Variants in GBP1 observed in about 807,000 individuals in gnomAD.
GBP1 encodes guanylate-binding protein 1.
GBP1 carries 64 observed loss-of-function variants against 69.5 expected under a neutral mutation model. The ratio of observed to expected loss-of-function variants is 0.92; its 90% CI spans 0.75 to 1.13. The LOEUF (loss-of-function observed/expected upper bound fraction) is 1.13. GBP1 is among the 50% of genes most tolerant of loss of function. The pLI, the probability that GBP1 is intolerant of heterozygous loss-of-function variation, is 0.00. For missense variants in GBP1, 630 were observed against 704.1 expected (o/e 0.89, Z 1.19); for synonymous variants, 250 against 261.2 (o/e 0.96, Z 0.41).
Position 89,053,392 on chromosome 1 carries a change from G to T in GBP1, c.1742C>A (p.Thr581Lys), listed in dbSNP as rs138810487. The T allele has an allele frequency of 1.9e-6, 3 of 1,613,584 alleles. No individual in the cohort carries two copies. The highest frequency in any genetic ancestry group is 1.3e-5 in the African/African-American group (1 of 74,944). Residue 581 changes from threonine (T) to lysine (K), a missense_variant, in exon 11 of 11, where the codon ACG becomes AAG. By Grantham distance (78) the Thr-to-Lys change is moderately conservative (BLOSUM62 -1). Coordinates refer to ENST00000370473, the MANE Select transcript of GBP1 (RefSeq NM_002053.3). ...IMKNEIQDLQTKMRRRKACTI... is the reference protein window; with the variant it reads ...IMKNEIQDLQKKMRRRKACTI... ...ACATGCCTTTCGTCGTCTCATTTTC[G>T]TCTGGAGATCCTGTATCTCATTTTT...
At position 89,063,025 on chromosome 1, in the gene GBP1, G is replaced by T. The variant is rs749758534; in HGVS notation, c.190+20C>A. 6.2e-7 allele frequency: 1 copy of T among 1,613,012 alleles called. No homozygotes were observed. Among genetic ancestry groups the T allele is most frequent in the African/African-American group, 1.3e-5 (1 of 74,850 alleles). On this transcript the variant is annotated intron_variant, in intron 2 of 10. Transcript: ENST00000370473. Reference sequence around the variant, plus strand: ...AGATGGACAGAAGGGACTTGGCAGAGCTTTGCTCATGCCACTCACCCTTTT... The same window carrying T: ...AGATGGACAGAAGGGACTTGGCAGATCTTTGCTCATGCCACTCACCCTTTT...
chr1:89,062,503 G>A (rs1444773928), intron 2 of GBP1, among the ~76,000 whole-genome samples: 1 of 152,180 alleles, frequency 6.6e-6, no homozygotes, highest in Non-Finnish European at 1.5e-5. Flanking sequence ...TTTATGTGGA[G>A]CTTTTGTTTA....
chr1:89,057,852 G>T lies in GBP1; in HGVS notation c.874+140C>A, dbSNP rs1048467661. 13 of 989,124 alleles carry T rather than the reference G, an allele frequency of 1.3e-5. No homozygotes were observed. The African/African-American group carries it at 2.0e-4, about 15-fold the overall frequency. The allele number at this position is 989,124 out of a possible 1,614,324, so 61.3% of individuals were successfully genotyped here. ...ACTGGAAATGTGACTAACAATATAT[G>T]TTAGAAACATTGGTGCCATCTAGAA... On this transcript the variant is annotated intron_variant, in intron 6 of 10. Coordinates refer to ENST00000370473, the MANE Select transcript of GBP1 (RefSeq NM_002053.3).
At chr1:89,059,501 C>A in intron 3 of GBP1, 75 bp from the exon 4 acceptor site, 20 of 1,304,348 alleles carry the variant, frequency 1.5e-5, no homozygotes, top group Non-Finnish European at 1.8e-5. Flanking sequence ...AGTAGTAAAA[C>A]TATGTTCATA....
At chr1:89,062,463 A>G (rs1680223743) in intron 2 of GBP1, among the ~76,000 whole-genome samples, 1 of 152,218 alleles carries the variant, frequency 6.6e-6, no homozygotes, top group Non-Finnish European at 1.5e-5. Context: ...ATTCATAGAG[A>G]TAGAATGTAG....
At chr1:89,053,573 TCACGCAAGA>T in intron 10 of GBP1, 105 bp from the exon 11 acceptor site, 5 of 1,493,532 alleles carry the variant, frequency 3.3e-6, no homozygotes, top group Non-Finnish European at 2.7e-6. Flanking sequence ...TTTCTCTGAG[TCACGCAAGA>T]CGTAAATGTC....
chr1:89,060,634 T>C (rs1327697768), intron 2 of GBP1, among the ~76,000 whole-genome samples: 1 of 152,204 alleles, frequency 6.6e-6, no homozygotes, highest in Non-Finnish European at 1.5e-5. Context: ...GCTTTTCCTA[T>C]AACATCATGA....
chr1:89,065,013 T>C (rs1018220343), intron 1 of GBP1, 147 bp downstream of exon 1: 2 of 152,238 alleles, frequency 1.3e-5, no homozygotes, highest in African/African-American at 2.4e-5. Flanking sequence ...CAGCCTAATT[T>C]GGTTCTGATG....
At position 89,058,115 on chromosome 1, in the gene GBP1, C is replaced by A. The variant is rs770583236; in HGVS notation, c.751G>T (p.Glu251Ter). The A allele has an allele frequency of 6.2e-7, 1 of 1,614,000 alleles. No individual in the cohort carries two copies. Residue 251 changes from glutamate (E) to a stop codon, truncating the protein, a stop_gained, in exon 6 of 11, where the codon GAG (glutamate) becomes TAG (stop). Coordinates refer to ENST00000370473, the MANE Select transcript of GBP1 (RefSeq NM_002053.3). LOFTEE classifies it high-confidence loss of function. ...TCCAGCTCTTCATCTTGTAGTTTCT[C>A]GAGCTGGGCAAGCTTCCTGCGGTGA... is the stretch of plus-strand genomic sequence containing the variant. ...PVHRRKLAQL[E>*]KLQDEELDPE... is the part of the protein sequence containing the mutation.
rs752461333 is a variant in GBP1, at chr1:89,059,327, C to A, written c.418G>T (p.Asp140Tyr). The A allele has an allele frequency of 1.2e-6, 2 of 1,614,072 alleles. No homozygotes were observed. The highest frequency in any genetic ancestry group is 3.3e-5 in the Admixed American group (2 of 60,006). Reference protein sequence around the residue: ...SIGTINQQAMDQLYYVTELTH... With the variant: ...SIGTINQQAMYQLYYVTELTH... ...GTCACAAAAGGATACTACAGTTGGT[C>A]CATAGCCTGCTGGTTGATGGTTCCT... The change falls in exon 4 of 11, where the codon GAC (aspartate) becomes TAC (tyrosine). Residue 140 changes from aspartate (D) to tyrosine (Y), a missense_variant. By Grantham distance (160) the Asp-to-Tyr change is radical. Transcript: ENST00000370473.
intron 6 of GBP1, 119 bp downstream of exon 6, chr1:89,057,873 T>C: frequency 8.8e-7 from 1 of 1,142,598 alleles, no homozygotes; most frequent in Non-Finnish European, 1.2e-6. Context: ...TGGTGCCATC[T>C]AGAATTTAAC....
At chr1:89,064,220 T>C (rs1298036046) in intron 1 of GBP1, among the ~76,000 whole-genome samples, 12 of 139,062 alleles carry the variant, frequency 8.6e-5, no homozygotes, top group African/African-American at 3.2e-4. Context: ...TGTGTGTGTG[T>C]GTGTGTGTGT....
At chr1:89,055,865 T>A in intron 8 of GBP1, 151 bp downstream of exon 8, 3 of 903,526 alleles carry the variant, frequency 3.3e-6, no homozygotes, top group Non-Finnish European at 5.3e-6. Flanking sequence ...ACATATCTGG[T>A]ATAACAGCCT....
intron 10 of GBP1, 44 bp from the exon 11 acceptor site, chr1:89,053,512 C>G: frequency 1.3e-6 from 2 of 1,582,578 alleles, no homozygotes; most frequent in Non-Finnish European, 1.7e-6. Context: ...TAGCATCAGG[C>G]AAATTGAAAC....
At chr1:89,060,399 T>C (rs1680151115) in intron 2 of GBP1, 75 bp from the exon 3 acceptor site, 3 of 1,335,492 alleles carry the variant, frequency 2.2e-6, no homozygotes, top group Admixed American at 5.4e-5. Context: ...AAAAGTAGTA[T>C]ATTTAAGGTT....
intron 1 of GBP1, 50 bp from the exon 2 acceptor site, chr1:89,063,303 A>C: frequency 1.3e-6 from 2 of 1,531,254 alleles, no homozygotes; most frequent in Non-Finnish European, 1.8e-6. Context: ...TTTTGCAATT[A>C]TAAGGGAGAA....
rs560359957 is a variant in GBP1, at chr1:89,052,905, C to G, written c.*450G>C. 6.5e-6 allele frequency: 1 copy of G among 153,270 alleles called. No homozygotes were observed. The highest frequency in any genetic ancestry group is 2.4e-5 in the African/African-American group (1 of 41,604). 9.5% of individuals were successfully genotyped at this position (153,270 alleles called of 1,614,324 possible). ...ATACATGGGCAATGTCCAGAAATCACATTATTGCTCATAGACCGTGTAGTC... is the reference window on the plus strand; with the variant it reads ...ATACATGGGCAATGTCCAGAAATCAGATTATTGCTCATAGACCGTGTAGTC... On this transcript the variant is annotated 3_prime_UTR_variant, in exon 11 of 11. Transcript: ENST00000370473.
Position 89,056,155 on chromosome 1 carries a change from A to T in GBP1, c.1229T>A (p.Leu410Ter). ...TAGAGGACTGAAAATGACCTGAAGT[A>T]AAGCTGAGCAACGATCTGATGATGC... ...QEASSDRCSA[L>*]LQVIFSPLEE... The change falls in exon 8 of 11, where the codon TTA becomes TAA. Residue 410 changes from leucine to a stop codon, truncating the protein, a stop_gained. Coordinates refer to ENST00000370473, the MANE Select transcript of GBP1 (RefSeq NM_002053.3). LOFTEE classifies it high-confidence loss of function. 6.2e-7 allele frequency: 1 copy of T among 1,614,004 alleles called. No homozygotes were observed. Among genetic ancestry groups the T allele is most frequent in the Non-Finnish European group, 8.5e-7 (1 of 1,179,870 alleles).
At chr1:89,054,499 A>C (rs765933527) in intron 10 of GBP1, among the ~76,000 whole-genome samples, 183 bp downstream of exon 10, 2 of 152,248 alleles carry the variant, frequency 1.3e-5, no homozygotes, top group Non-Finnish European at 2.9e-5. Flanking sequence ...CAAATAAAAA[A>C]CTTTCAGTGA....
Sources: allele counts gnomAD v4.1 joint callset (sites outside exome capture counted in the v4.1 genomes callset), GRCh38; gene constraint gnomAD v4.1.1; transcripts MANE v1.5; gene names NCBI Gene and HGNC (gene_info 2026-07-23, HGNC 2026-07-21).